LCORL: variants seen among roughly 807,000 people sequenced by gnomAD.
LCORL encodes ligand-dependent nuclear receptor corepressor-like protein.
A neutral mutation model predicts 141.8 loss-of-function variants in LCORL; 41 were observed. The ratio of observed to expected loss-of-function variants is 0.29; its 90% confidence interval spans 0.23 to 0.38. The LOEUF is 0.38. Ranked by LOEUF, LCORL falls within the 10% of genes least tolerant of loss-of-function variation. The pLI, the probability that LCORL is intolerant of heterozygous loss-of-function variation, is 1.00. For synonymous variants in LCORL, 618 were observed against 694.1 expected (o/e 0.89, Z 1.72); for missense variants, 1,759 against 2,035.0 (o/e 0.86, Z 2.61).
At chr4:17,871,290 A>G (rs1301627915) in intron 7 of LCORL, among the ~76,000 whole-genome samples, 1 of 151,988 alleles carries the variant, frequency 6.6e-6, no homozygotes, top group Non-Finnish European at 1.5e-5. Context: ...TATCAGTGAA[A>G]GATAGATAAA....
intron 4 of LCORL, among the ~76,000 whole-genome samples, chr4:17,952,258 CAT>C (rs1711524768): frequency 6.6e-6 from 1 of 152,106 alleles, no homozygotes; most frequent in Non-Finnish European, 1.5e-5. Context: ...AATAGAATTA[CAT>C]CTCTTTTGAT....
At chr4:17,881,106 T>A in intron 6 of LCORL, 1 of 982,976 alleles carries the variant, frequency 1.0e-6, no homozygotes, top group Non-Finnish European at 1.2e-6. Flanking sequence ...TTTAAACAAC[T>A]TTACTGAGCA....
chr4:17,936,705 G>A (rs1210915271), intron 4 of LCORL, among the ~76,000 whole-genome samples: 1 of 152,112 alleles, frequency 6.6e-6, no homozygotes, highest in Non-Finnish European at 1.5e-5. Flanking sequence ...TTTATGAGAG[G>A]TTAACGGAGA....
intron 4 of LCORL, among the ~76,000 whole-genome samples, chr4:17,913,543 T>C (rs1193227878): frequency 1.3e-5 from 2 of 152,236 alleles, no homozygotes; most frequent in African/African-American, 2.4e-5. Context: ...TTTGACTTTC[T>C]GGAGGCCCAA....
At chr4:18,016,446 T>G (rs933954913) in intron 1 of LCORL, among the ~76,000 whole-genome samples, 1 of 152,134 alleles carries the variant, frequency 6.6e-6, no homozygotes, top group Non-Finnish European at 1.5e-5. Context: ...ATAGGTTTGG[T>G]TATTATTAAC....
intron 1 of LCORL, among the ~76,000 whole-genome samples, chr4:17,998,289 T>C (rs1721233360): frequency 6.6e-6 from 1 of 152,206 alleles, no homozygotes; most frequent in Non-Finnish European, 1.5e-5. Flanking sequence ...ATTGTACGAC[T>C]ACACTAAATT....
At chr4:17,978,058 A>G (rs1481445072) in intron 1 of LCORL, among the ~76,000 whole-genome samples, 1 of 152,194 alleles carries the variant, frequency 6.6e-6, no homozygotes, top group East Asian at 1.9e-4. Flanking sequence ...AACATAACTT[A>G]GCAAACTTTA....
chr4:17,901,364 G>A (rs1730839113), intron 5 of LCORL, among the ~76,000 whole-genome samples: 1 of 147,624 alleles, frequency 6.8e-6, no homozygotes. Context: ...TTTTAAGAAT[G>A]AAAGTGAAAA....
At chr4:17,977,241 TTTC>T (rs1159768290) in intron 1 of LCORL, among the ~76,000 whole-genome samples, 1 of 152,182 alleles carries the variant, frequency 6.6e-6, no homozygotes, top group East Asian at 1.9e-4. Context: ...CGTTTTCATT[TTTC>T]TTGTGTAAAT....
At chr4:17,980,739 A>G (rs989239447) in intron 1 of LCORL, among the ~76,000 whole-genome samples, 6 of 152,194 alleles carry the variant, frequency 3.9e-5, no homozygotes, top group African/African-American at 1.4e-4. Context: ...GCCTGTTAGG[A>G]AAGGGACCAC....
chr4:17,950,514 G>T (rs1376468662), intron 4 of LCORL, among the ~76,000 whole-genome samples: 1 of 152,106 alleles, frequency 6.6e-6, no homozygotes, highest in Non-Finnish European at 1.5e-5. Context: ...TTATAAAAGA[G>T]TTTTCATAAG....
At chr4:17,941,143 G>A (rs376477725) in intron 4 of LCORL, among the ~76,000 whole-genome samples, 3 of 152,140 alleles carry the variant, frequency 2.0e-5, no homozygotes, top group African/African-American at 4.8e-5. Context: ...TTGGGAGGCC[G>A]AGACGGGCAG....
intron 6 of LCORL, chr4:17,883,424 G>C: frequency 8.9e-7 from 1 of 1,125,442 alleles, no homozygotes; most frequent in South Asian, 4.1e-5. Flanking sequence ...TTATGCTATT[G>C]ACTACTAAAG....
At chr4:18,010,137 T>C (rs919112701) in intron 1 of LCORL, among the ~76,000 whole-genome samples, 5 of 152,208 alleles carry the variant, frequency 3.3e-5, no homozygotes, top group Non-Finnish European at 5.9e-5. Flanking sequence ...ATGTAAACAG[T>C]GCTCTATTCT....
Position 18,002,248 on chromosome 4 carries a change from A to C in LCORL, c.154+19350T>G, listed in dbSNP as rs540554697. Among the ~76,000 whole-genome samples the C allele has an allele frequency of 1.2e-4, 19 of 152,328 alleles. No individual in the cohort carries two copies. The South Asian group carries it at 3.9e-3, about 32-fold the overall frequency. On this transcript the variant is annotated intron_variant, in intron 1 of 7. Coordinates refer to ENST00000635767, the Ensembl canonical transcript of LCORL. ...ACTGTTCAGCATATGCTATGGGTCT[A>C]TAATAAGCAATATCTTCTTTGGTTT...
chr4:17,892,197 A>ATTTTTTTTTTTTTTTTTTTTTTTTTT (rs770471544), intron 5 of LCORL, among the ~76,000 whole-genome samples: 2 of 119,700 alleles, frequency 1.7e-5, no homozygotes. Flanking sequence ...GTCAAATAGT[A>ATTTTTTTTTTTTTTTTTTTTTTTTTT]TTTTTTTTTT....
chr4:17,855,256 TATA>T (rs1724217188), intron 7 of LCORL, among the ~76,000 whole-genome samples: 1 of 152,142 alleles, frequency 6.6e-6, no homozygotes, highest in South Asian at 2.1e-4. Flanking sequence ...CCTGAATTTC[TATA>T]ATAAGGTATT....
intron 4 of LCORL, among the ~76,000 whole-genome samples, chr4:17,957,446 A>C (rs1712895815): frequency 6.6e-6 from 1 of 151,956 alleles, no homozygotes; most frequent in Non-Finnish European, 1.5e-5. Context: ...GATTCTGTTG[A>C]TGGAAGACCA....
At chr4:17,841,504 G>A (rs1169284621) in exon 8 of LCORL, 1 of 151,924 alleles carries the variant, frequency 6.6e-6, no homozygotes, top group Non-Finnish European at 1.5e-5. Flanking sequence ...AAATGCATTA[G>A]TAAAAGCAGG....
Sources: allele counts gnomAD v4.1 joint callset (sites outside exome capture counted in the v4.1 genomes callset), GRCh38; gene constraint gnomAD v4.1.1; transcripts MANE v1.5; gene names NCBI Gene and HGNC (gene_info 2026-07-23, HGNC 2026-07-21).